The following ZBTB46 variants were observed in gnomAD, a reference collection of about 807,000 sequenced individuals.
The protein encoded by ZBTB46 is zinc finger and BTB domain containing 46, also known as zinc finger and BTB domain-containing protein 46.
Under a neutral mutation model 44.1 loss-of-function variants are expected in ZBTB46, and 8 were observed. The observed-to-expected ratio is 0.18, with a 90% CI of 0.11 to 0.33. The LOEUF is 0.33. Ranked by LOEUF, ZBTB46 falls within the 10% of genes least tolerant of loss-of-function variation. The probability of loss-of-function intolerance (pLI) is 1.00; values close to 1 mark genes in which losing one functional copy is unlikely to be tolerated. For synonymous variants in ZBTB46, 409 were observed against 382.3 expected (o/e 1.07, Z -0.81); for missense variants, 651 against 847.7 (o/e 0.77, Z 2.88).
intron 3 of ZBTB46, among the ~76,000 whole-genome samples, chr20:63,762,791 T>G (rs1162123883): frequency 6.6e-6 from 1 of 152,202 alleles, no homozygotes; most frequent in African/African-American, 2.4e-5. Context: ...CTTCTCAAAG[T>G]TTACTTTGAT....
Position 63,823,858 on chromosome 20 carries a change from T to TTCTGTGTGTGTGTGTGTGTGTG in ZBTB46, c.-34+7238_-34+7239insCACACACACACACACACACAGA, listed in dbSNP as rs144086739. Among the ~76,000 whole-genome samples the TTCTGTGTGTGTGTGTGTGTGTG allele has an allele frequency of 8.0e-3, 1,158 of 144,810 alleles. 34 individuals carry two copies. The highest frequency in any genetic ancestry group is 0.029 in the African/African-American group (1,100 of 38,464). ...TCCTGACCTTTGTCCTCTAGGAACC[T>TTCTGTGTGTGTGTGTGTGTGTG]TGTGTGTGTGTGTGTGTGTGTGTGT... is the stretch of plus-strand genomic sequence containing the variant. On this transcript the variant is annotated intron_variant, in intron 1 of 4. Coordinates refer to ENST00000245663, the MANE Select transcript of ZBTB46 (RefSeq NM_001369741.1).
chr20:63,753,109 CAGG>C (rs1350365140), intron 3 of ZBTB46, among the ~76,000 whole-genome samples: 4 of 152,176 alleles, frequency 2.6e-5, no homozygotes, highest in Non-Finnish European at 5.9e-5. Flanking sequence ...CCCCAGCTCT[CAGG>C]AGATCTTTCC....
At chr20:63,795,213 A>G (rs1010986355) in intron 1 of ZBTB46, among the ~76,000 whole-genome samples, 10 of 152,186 alleles carry the variant, frequency 6.6e-5, no homozygotes, top group Non-Finnish European at 8.8e-5. Context: ...TTCAAACAGA[A>G]TCGCTTATGA....
intron 3 of ZBTB46, among the ~76,000 whole-genome samples, chr20:63,759,594 A>C (rs2092255917): frequency 6.6e-6 from 1 of 152,050 alleles, no homozygotes; most frequent in Non-Finnish European, 1.5e-5. Context: ...GGGGCAAGGG[A>C]GGTTCCTGAC....
intron 1 of ZBTB46, chr20:63,815,290 A>G: frequency 1.8e-5 from 5 of 274,542 alleles, no homozygotes; most frequent in East Asian, 1.4e-4. Flanking sequence ...GTGCAGGTGC[A>G]GTGGGCAAAG....
chr20:63,809,961 CAAA>C (rs61473496), intron 1 of ZBTB46, among the ~76,000 whole-genome samples: 2 of 135,974 alleles, frequency 1.5e-5, no homozygotes, highest in Non-Finnish European at 1.6e-5. Flanking sequence ...GGCCCTCTCT[CAAA>C]AAAAAAAAAA....
intron 1 of ZBTB46, among the ~76,000 whole-genome samples, chr20:63,820,438 T>C (rs1305320957): frequency 6.7e-6 from 1 of 149,066 alleles, no homozygotes; most frequent in African/African-American, 2.5e-5. Flanking sequence ...ATATTATATA[T>C]ATATATTTTT....
intron 1 of ZBTB46, among the ~76,000 whole-genome samples, chr20:63,816,081 GGTGGGCACAGGTGCA>G (rs1465608600): frequency 7.0e-4 from 82 of 117,658 alleles, no homozygotes; most frequent in East Asian, 3.0e-3. Context: ...AGTGGGCACA[GGTGGGCACAGGTGCA>G]GTGGGCGCAG....
At chr20:63,751,389 C>A (rs1004264195) in intron 4 of ZBTB46, among the ~76,000 whole-genome samples, 3 of 152,156 alleles carry the variant, frequency 2.0e-5, no homozygotes, top group African/African-American at 7.2e-5. Flanking sequence ...CACTAAGCCC[C>A]GCTCCATATC....
At chr20:63,817,485 T>C (rs2146068151) in intron 1 of ZBTB46, among the ~76,000 whole-genome samples, 1 of 151,116 alleles carries the variant, frequency 6.6e-6, no homozygotes, top group Non-Finnish European at 1.5e-5. Context: ...GAGGCCAAGG[T>C]GGGCGGATCA....
At chr20:63,810,310 T>G (rs1345516498) in intron 1 of ZBTB46, among the ~76,000 whole-genome samples, 1 of 152,038 alleles carries the variant, frequency 6.6e-6, no homozygotes, top group Non-Finnish European at 1.5e-5. Context: ...CCAGGAACAT[T>G]AAAAATGCCA....
chr20:63,821,621 T>C (rs2092793004), intron 1 of ZBTB46, among the ~76,000 whole-genome samples: 1 of 152,024 alleles, frequency 6.6e-6, no homozygotes, highest in African/African-American at 2.4e-5. Context: ...TTTGTGTATA[T>C]ATTTTTAGTA....
intron 1 of ZBTB46, among the ~76,000 whole-genome samples, chr20:63,811,331 C>T (rs1217267589): frequency 1.3e-5 from 2 of 152,176 alleles, no homozygotes; most frequent in African/African-American, 4.8e-5. Context: ...GGTGGGTCTC[C>T]CTGAAGAAGA....
intron 2 of ZBTB46, among the ~76,000 whole-genome samples, chr20:63,786,688 A>T (rs557613305): frequency 1.0e-3 from 159 of 151,978 alleles, no homozygotes; most frequent in African/African-American, 3.0e-3. Context: ...ACTTTTGTAT[A>T]TTTAGTAGAG....
intron 1 of ZBTB46, among the ~76,000 whole-genome samples, chr20:63,808,753 T>C (rs1312139166): frequency 6.6e-6 from 1 of 151,836 alleles, no homozygotes; most frequent in Non-Finnish European, 1.5e-5. Context: ...GGCGGGCGGA[T>C]GGTGAGGTCA....
At position 63,790,119 on chromosome 20, in the gene ZBTB46, T is replaced by C. The variant is rs761613659; in HGVS notation, c.639A>G (p.Ser213=). Residue 213 remains serine, a synonymous_variant, in exon 2 of 5, where the codon TCA becomes TCG. Transcript: ENST00000245663. ...CCACGTCTCCAGGCCATAGAGGCTG[T>C]GAAGAAACATCATCAGGGCCATCGG... ...PKADGPDDVS[S]QPLWPGDVGY... is the part of the protein sequence containing the mutation. 1 of 1,613,986 alleles carries C rather than the reference T, an allele frequency of 6.2e-7. No homozygotes were observed. The highest frequency in any genetic ancestry group is 8.5e-7 in the Non-Finnish European group (1 of 1,180,038).
At chr20:63,763,324 C>T (rs1245260952) in intron 3 of ZBTB46, among the ~76,000 whole-genome samples, 3 of 151,964 alleles carry the variant, frequency 2.0e-5, no homozygotes, top group Non-Finnish European at 2.9e-5. Flanking sequence ...CGTATTGTAT[C>T]GGGCCATTCT....
chr20:63,802,185 G>A (rs531118431), intron 1 of ZBTB46, among the ~76,000 whole-genome samples: 134 of 152,298 alleles, frequency 8.8e-4, no homozygotes, highest in African/African-American at 3.2e-3. Context: ...CACTTTGGGA[G>A]GCAGAGGCAG....
chr20:63,829,751 G>C (rs1310862915), intron 1 of ZBTB46, among the ~76,000 whole-genome samples: 1 of 152,152 alleles, frequency 6.6e-6, no homozygotes, highest in Non-Finnish European at 1.5e-5. Flanking sequence ...ATTTCCTTTT[G>C]ATGAACAAAC....
Sources: allele counts gnomAD v4.1 joint callset (sites outside exome capture counted in the v4.1 genomes callset), GRCh38; gene constraint gnomAD v4.1.1; transcripts MANE v1.5; gene names NCBI Gene and HGNC (gene_info 2026-07-23, HGNC 2026-07-21).